Variants in ITGA2 observed in about 807,000 individuals in gnomAD.
ITGA2 encodes the protein integrin subunit alpha 2.
A neutral mutation model predicts 146.3 loss-of-function variants in ITGA2; 101 were observed. The ratio of observed to expected loss-of-function variants is 0.69; its 90% CI spans 0.59 to 0.81. The LOEUF is 0.81. Ranked by LOEUF, ITGA2 falls within the 40% of genes least tolerant of loss-of-function variation. ITGA2 has a pLI of 0.00. For missense variants in ITGA2, 1,281 were observed against 1,402.7 expected (o/e 0.91, Z 1.39); for synonymous variants, 477 against 487.1 (o/e 0.98, Z 0.27).
chr5:53,077,192 T>G (rs574866820), intron 23 of ITGA2, among the ~76,000 whole-genome samples: 1 of 152,226 alleles, frequency 6.6e-6, no homozygotes, highest in African/African-American at 2.4e-5. Context: ...TCATAATTTA[T>G]GTAACCAATT....
At chr5:53,060,700 A>C (rs1193077389) in intron 11 of ITGA2, among the ~76,000 whole-genome samples, 3 of 151,942 alleles carry the variant, frequency 2.0e-5, no homozygotes, top group Non-Finnish European at 4.4e-5. Flanking sequence ...CCACCTGCAA[A>C]GGGAAGTGCT....
Position 53,079,009 on chromosome 5 carries a change from T to A in ITGA2, c.2928+135T>A, listed in dbSNP as rs573461597. The A allele has an allele frequency of 1.5e-5, 10 of 681,188 alleles. No homozygotes were observed. The Admixed American group carries it at 1.7e-4, about 11-fold the overall frequency. The allele number at this position is 681,188 out of a possible 1,614,324, so 42.2% of individuals were successfully genotyped here. ...TCTCAAACTTGGGTGTGCATTACAA[T>A]CACCTGGAGGAATTGTGAAACCACA... On this transcript the variant is annotated intron_variant, in intron 24 of 29. Transcript: ENST00000296585.
At chr5:53,064,216 T>C (rs1451230936) in intron 13 of ITGA2, among the ~76,000 whole-genome samples, 3 of 152,096 alleles carry the variant, frequency 2.0e-5, no homozygotes, top group African/African-American at 4.8e-5. Flanking sequence ...TATTGTGTTT[T>C]ATTTTGTTCT....
At chr5:53,032,540 C>G (rs1743274221) in intron 2 of ITGA2, among the ~76,000 whole-genome samples, 1 of 152,234 alleles carries the variant, frequency 6.6e-6, no homozygotes, top group Non-Finnish European at 1.5e-5. Context: ...ATAGGGGAAG[C>G]TAATGCAAAA....
At chr5:53,088,681 G>A (rs1472728251) in intron 28 of ITGA2, among the ~76,000 whole-genome samples, 12 of 91,966 alleles carry the variant, frequency 1.3e-4, no homozygotes, top group Non-Finnish European at 2.4e-4. Flanking sequence ...GAGAGACTCT[G>A]TCTCAAAAAA....
At chr5:53,021,576 C>A (rs1028287473) in intron 1 of ITGA2, among the ~76,000 whole-genome samples, 1 of 152,186 alleles carries the variant, frequency 6.6e-6, no homozygotes, top group African/African-American at 2.4e-5. Flanking sequence ...ACGGCCCCTG[C>A]CCTCGGCATG....
At chr5:53,038,154 C>T (rs1194770657) in intron 2 of ITGA2, among the ~76,000 whole-genome samples, 3 of 150,848 alleles carry the variant, frequency 2.0e-5, no homozygotes, top group African/African-American at 4.9e-5. Flanking sequence ...ACCAAACAGT[C>T]TTCTCAGGAA....
At chr5:53,040,392 A>ACT (rs1423067059) in intron 2 of ITGA2, among the ~76,000 whole-genome samples, 1 of 152,128 alleles carries the variant, frequency 6.6e-6, no homozygotes, top group African/African-American at 2.4e-5. Context: ...CTTGGTACCG[A>ACT]CTCTATAAGA....
intron 6 of ITGA2, among the ~76,000 whole-genome samples, chr5:53,049,408 G>A (rs1377595559): frequency 1.3e-5 from 2 of 152,034 alleles, no homozygotes; most frequent in African/African-American, 4.8e-5. Context: ...ATGTCCATTT[G>A]GACCAATAAT....
intron 2 of ITGA2, among the ~76,000 whole-genome samples, chr5:53,039,721 C>A: frequency 9.2e-6 from 1 of 108,316 alleles, no homozygotes; most frequent in Non-Finnish European, 1.7e-5. Context: ...GCCTAGGCAA[C>A]AGAGTGAGAC....
At chr5:53,002,996 C>T (rs1166018926) in intron 1 of ITGA2, among the ~76,000 whole-genome samples, 2 of 152,126 alleles carry the variant, frequency 1.3e-5, no homozygotes, top group African/African-American at 4.8e-5. Flanking sequence ...GAAGAAACCT[C>T]AAGATATCAT....
chr5:52,991,466 GCAT>G (rs1740951021), intron 1 of ITGA2, among the ~76,000 whole-genome samples: 1 of 151,824 alleles, frequency 6.6e-6, no homozygotes, highest in South Asian at 2.1e-4. Flanking sequence ...ATGTACAATT[GCAT>G]CATATCACAT....
chr5:53,053,476 T>G (rs1744485048), intron 7 of ITGA2, among the ~76,000 whole-genome samples: 1 of 152,138 alleles, frequency 6.6e-6, no homozygotes, highest in Non-Finnish European at 1.5e-5. Flanking sequence ...TTCCTGGAGT[T>G]AGAAACTGCA....
intron 1 of ITGA2, among the ~76,000 whole-genome samples, chr5:53,020,219 A>T (rs1475044513): frequency 6.6e-6 from 1 of 152,250 alleles, no homozygotes; most frequent in Non-Finnish European, 1.5e-5. Flanking sequence ...TAAATTCATT[A>T]GTTTTGTATT....
At chr5:52,997,331 TAA>T (rs1385917372) in intron 1 of ITGA2, among the ~76,000 whole-genome samples, 1 of 152,232 alleles carries the variant, frequency 6.6e-6, no homozygotes, top group Non-Finnish European at 1.5e-5. Flanking sequence ...TTCCATTTAT[TAA>T]AGTGTCTAGA....
chr5:53,073,960 A>AC (rs201955091), intron 20 of ITGA2, among the ~76,000 whole-genome samples: 5 of 151,270 alleles, frequency 3.3e-5, no homozygotes, highest in East Asian at 3.9e-4. Context: ...AAAAAAAAAA[A>AC]AAAAAACCCT....
chr5:53,086,659 C>T (rs1746171452), intron 27 of ITGA2, among the ~76,000 whole-genome samples: 1 of 152,170 alleles, frequency 6.6e-6, no homozygotes, highest in Non-Finnish European at 1.5e-5. Flanking sequence ...TTCTCAAGTT[C>T]AGATCTCCTC....
At position 53,067,107 on chromosome 5, in the gene ITGA2, A is replaced by G; in HGVS notation, c.1944-11A>G. 7.5e-6 allele frequency: 12 copies of G among 1,608,816 alleles called. No individual in the cohort carries two copies. Among genetic ancestry groups the G allele is most frequent in the Non-Finnish European group, 1.0e-5 (12 of 1,177,560 alleles). ...AACATCCATCCATCTGTTACTCTTTATGTCTTTTAGGTCACAAAGTATTGC... is the reference window on the plus strand; with the variant it reads ...AACATCCATCCATCTGTTACTCTTTGTGTCTTTTAGGTCACAAAGTATTGC... On this transcript the variant is annotated splice_polypyrimidine_tract_variant and intron_variant, in intron 15 of 29. Coordinates refer to ENST00000296585, the MANE Select transcript of ITGA2 (RefSeq NM_002203.4).
chr5:53,073,295 C>T, intron 20 of ITGA2, 36 bp downstream of exon 20: 1 of 1,606,742 alleles, frequency 6.2e-7, no homozygotes, highest in Non-Finnish European at 8.5e-7. Context: ...TTCCACCATG[C>T]TTCCTACTTA....
Sources: allele counts gnomAD v4.1 joint callset (sites outside exome capture counted in the v4.1 genomes callset), GRCh38; gene constraint gnomAD v4.1.1; transcripts MANE v1.5; gene names NCBI Gene and HGNC (gene_info 2026-07-23, HGNC 2026-07-21).